The following PRLR variants were observed in gnomAD, a reference collection of about 807,000 sequenced individuals.
The protein encoded by PRLR is hPRL receptor.
Under a neutral mutation model 40.2 loss-of-function variants are expected in PRLR, and 13 were observed. That is an observed-to-expected ratio of 0.32 (90% confidence interval 0.21 to 0.51). The LOEUF is 0.51. PRLR is among the 20% of genes least tolerant of loss of function. The pLI, the probability that PRLR is intolerant of heterozygous loss-of-function variation, is 0.97. For synonymous variants in PRLR, 269 were observed against 278.7 expected (o/e 0.97, Z 0.35); for missense variants, 656 against 747.3 (o/e 0.88, Z 1.42).
At chr5:35,186,642 G>C (rs1337096090) in intron 1 of PRLR, among the ~76,000 whole-genome samples, 1 of 152,152 alleles carries the variant, frequency 6.6e-6, no homozygotes, top group Admixed American at 6.5e-5. Flanking sequence ...AAGATAATGG[G>C]GCAAAGGAGA....
intron 2 of PRLR, among the ~76,000 whole-genome samples, chr5:35,101,187 T>C (rs1210603577): frequency 6.6e-6 from 1 of 152,196 alleles, no homozygotes; most frequent in Non-Finnish European, 1.5e-5. Context: ...CCCTACACTG[T>C]CACCTGTAAA....
chr5:35,063,792 G>C lies in PRLR; in HGVS notation c.*1297C>G, dbSNP rs1035549899. The C allele has an allele frequency of 6.6e-6, 1 of 152,082 alleles. No homozygotes were observed. Among genetic ancestry groups the C allele is most frequent in the African/African-American group, 2.4e-5 (1 of 41,402 alleles). 9.4% of individuals were successfully genotyped at this position (152,082 alleles called of 1,614,324 possible). A position where few individuals can be genotyped will look rare whatever the true frequency, so the allele number is the denominator to read the frequency against. ...GCCCTCCCTTTTTATGGTAGCTTTA[G>C]GAAGATTCACCCATTGATGAACAGG... On this transcript the variant is annotated 3_prime_UTR_variant, in exon 10 of 10. Coordinates refer to ENST00000618457, the MANE Select transcript of PRLR (RefSeq NM_000949.7).
rs145850093 is a variant in PRLR at position 35,172,450 on chromosome 5, G to C, written c.-105-54328C>G. On this transcript the variant is annotated intron_variant, in intron 1 of 9. Transcript: ENST00000618457. The stretch of plus-strand genomic sequence containing the variant: ...GGCTGTCACCTTGGGCTGACTGAAG[G>C]TCACTGCTTCCCTCCAGATGGCCCT... 2.3e-3 allele frequency among the ~76,000 whole-genome samples: 355 copies of C among 152,278 alleles called. 1 individual carries two copies. Among genetic ancestry groups the C allele is most frequent in the African/African-American group, 8.2e-3 (340 of 41,562 alleles).
At chr5:35,208,249 AC>A (rs1237941866) in intron 1 of PRLR, among the ~76,000 whole-genome samples, 1 of 151,954 alleles carries the variant, frequency 6.6e-6, no homozygotes, top group Admixed American at 6.6e-5. Context: ...AGGACACTGA[AC>A]AACACTTTCA....
At chr5:35,196,741 C>T (rs754691049) in intron 1 of PRLR, among the ~76,000 whole-genome samples, 1 of 152,214 alleles carries the variant, frequency 6.6e-6, no homozygotes, top group Non-Finnish European at 1.5e-5. Flanking sequence ...CCGAAGGAAT[C>T]GTTCTCAGGA....
At chr5:35,100,554 A>G (rs754829963) in intron 2 of PRLR, among the ~76,000 whole-genome samples, 1 of 152,218 alleles carries the variant, frequency 6.6e-6, no homozygotes, top group East Asian at 1.9e-4. Context: ...GGTAAAGTAA[A>G]ATGTTGTATA....
chr5:35,135,413 A>G (rs957330705), intron 1 of PRLR: 41 of 152,416 alleles, frequency 2.7e-4, no homozygotes, highest in African/African-American at 9.2e-4. Context: ...GAGGGGAGAA[A>G]AGGCAGCCAG....
chr5:35,185,133 C>T (rs1775391659), intron 1 of PRLR, among the ~76,000 whole-genome samples: 1 of 152,224 alleles, frequency 6.6e-6, no homozygotes, highest in African/African-American at 2.4e-5. Context: ...TAGTTTTGCT[C>T]TCTAGGCTTG....
intron 2 of PRLR, among the ~76,000 whole-genome samples, chr5:35,100,280 TA>T (rs960325053): frequency 1.3e-5 from 2 of 151,948 alleles, no homozygotes; most frequent in South Asian, 2.1e-4. Context: ...GAAAAAAATT[TA>T]AAAAAAATTT....
intron 1 of PRLR, among the ~76,000 whole-genome samples, chr5:35,195,901 G>A (rs918295582): frequency 1.2e-4 from 18 of 152,298 alleles, no homozygotes; most frequent in African/African-American, 2.4e-4. Flanking sequence ...GCTGGGAGTA[G>A]AAGGGACAGA....
chr5:35,092,505 C>CT (rs921813505), intron 2 of PRLR, among the ~76,000 whole-genome samples: 12 of 151,560 alleles, frequency 7.9e-5, no homozygotes, highest in East Asian at 1.9e-4. Context: ...ATCCACCGAC[C>CT]TTTTTTTTTC....
intron 1 of PRLR, among the ~76,000 whole-genome samples, chr5:35,145,414 C>G (rs1227863624): frequency 6.6e-6 from 1 of 152,154 alleles, no homozygotes; most frequent in East Asian, 1.9e-4. Flanking sequence ...TCCTTTCCAG[C>G]TAAGGGAAGA....
intron 1 of PRLR, among the ~76,000 whole-genome samples, chr5:35,214,877 A>G (rs1327278086): frequency 6.6e-6 from 1 of 152,210 alleles, no homozygotes; most frequent in Non-Finnish European, 1.5e-5. Flanking sequence ...CACAAATAAC[A>G]ATGCCATCTT....
intron 2 of PRLR, among the ~76,000 whole-genome samples, chr5:35,115,288 A>T (rs1192662589): frequency 2.0e-5 from 3 of 152,194 alleles, no homozygotes; most frequent in Admixed American, 6.5e-5. Flanking sequence ...CCTGTGTCCC[A>T]ATCCCAAGGC....
In PRLR at chr5:35,169,230, A is replaced by G. The variant is rs141302315; in HGVS notation, c.-105-51108T>C. 2.0e-3 allele frequency among the ~76,000 whole-genome samples: 310 copies of G among 152,268 alleles called. 1 individual carries two copies. Among genetic ancestry groups the G allele is most frequent in the African/African-American group, 7.3e-3 (303 of 41,566 alleles). On this transcript the variant is annotated intron_variant, in intron 1 of 9. Transcript: ENST00000618457. Reference sequence around the variant, plus strand: ...AGTGTATTGGACTCGACACCTGATTATTTAGCTCTATTATCCATATCTAGA... The same window carrying G: ...AGTGTATTGGACTCGACACCTGATTGTTTAGCTCTATTATCCATATCTAGA...
rs1490672201 is a variant in PRLR at position 35,057,396 on chromosome 5, A to G, written c.*7693T>C. 1 of 152,214 alleles carries G rather than the reference A, an allele frequency of 6.6e-6. No homozygotes were observed. The highest frequency in any genetic ancestry group is 2.4e-5 in the African/African-American group (1 of 41,462). The allele number at this position is 152,214 out of a possible 1,614,324, so 9.4% of individuals were successfully genotyped here. On this transcript the variant is annotated 3_prime_UTR_variant, in exon 10 of 10. Transcript: ENST00000618457. ...ATCTCCATTTCAAATAAAAAAATAG[A>G]GCAAGAGTAGGTAAGGGAATTAAAC...
At chr5:35,221,789 G>A (rs1561372308) in intron 1 of PRLR, among the ~76,000 whole-genome samples, 1 of 152,248 alleles carries the variant, frequency 6.6e-6, no homozygotes, top group East Asian at 1.9e-4. Flanking sequence ...TAAAGCTTTT[G>A]GAAATTGTTT....
In PRLR at chr5:35,221,119, G is replaced by C. The variant is rs569113915; in HGVS notation, c.-106+9149C>G. ...TGTTACACAGCCTAGTTATTTCTTG[G>C]CTAATTTACCTTGGTAAAGCCTACC... On this transcript the variant is annotated intron_variant, in intron 1 of 9. Coordinates refer to ENST00000618457, the MANE Select transcript of PRLR (RefSeq NM_000949.7). Among the ~76,000 whole-genome samples, 5 of 152,252 alleles carry C rather than the reference G, an allele frequency of 3.3e-5. No homozygotes were observed. The East Asian group carries it at 9.6e-4, about 29-fold the overall frequency.
At chr5:35,159,445 A>C (rs1447769243) in intron 1 of PRLR, among the ~76,000 whole-genome samples, 1 of 151,040 alleles carries the variant, frequency 6.6e-6, no homozygotes, top group Non-Finnish European at 1.5e-5. Flanking sequence ...ACCCAGAAAA[A>C]ACTAGAGTGT....
Sources: allele counts gnomAD v4.1 joint callset (sites outside exome capture counted in the v4.1 genomes callset), GRCh38; gene constraint gnomAD v4.1.1; transcripts MANE v1.5; gene names NCBI Gene and HGNC (gene_info 2026-07-23, HGNC 2026-07-21).